CCDC85A: variants seen among roughly 807,000 people sequenced by gnomAD.
CCDC85A encodes coiled-coil domain-containing protein 85A.
CCDC85A carries 38 observed loss-of-function variants against 50.2 expected under a neutral mutation model. That is an observed-to-expected ratio of 0.76 (90% CI 0.58 to 0.99). The LOEUF (loss-of-function observed/expected upper bound fraction) is 0.99. Ranked by LOEUF, CCDC85A falls within the 50% of genes least tolerant of loss-of-function variation. The probability of loss-of-function intolerance (pLI) is 0.00; values close to 1 mark genes in which losing one functional copy is unlikely to be tolerated. For missense variants in CCDC85A, 820 were observed against 742.0 expected (o/e 1.11, Z -1.22); for synonymous variants, 366 against 301.4 (o/e 1.21, Z -2.22).
At position 56,193,229 on chromosome 2, in the gene CCDC85A, T is replaced by C. The variant is rs778709198; in HGVS notation, c.1029T>C (p.Ala343=). The C allele has an allele frequency of 6.2e-7, 1 of 1,609,044 alleles. No individual in the cohort carries two copies. The highest frequency in any genetic ancestry group is 8.5e-7 in the Non-Finnish European group (1 of 1,178,740). Residue 343 remains alanine (A), a synonymous_variant, in exon 2 of 6, where the codon GCT becomes GCC. Coordinates refer to ENST00000407595, the MANE Select transcript of CCDC85A (RefSeq NM_001080433.2). ...GCCCGGAGCATCTTCAGAAACACGC[T>C]CTTGGGGGGAGCCTAGAGCATCTCC... ...GGSPEHLQKH[A]LGGSLEHLPR... is the part of the protein sequence containing the mutation.
chr2:56,298,047 C>T (rs1385941579), intron 2 of CCDC85A, among the ~76,000 whole-genome samples: 1 of 152,140 alleles, frequency 6.6e-6, no homozygotes, highest in South Asian at 2.1e-4. Flanking sequence ...TAAGGTCATG[C>T]CCCAGGCATC....
chr2:56,253,045 AC>A (rs1236959253), intron 2 of CCDC85A, among the ~76,000 whole-genome samples: 49 of 152,072 alleles, frequency 3.2e-4, no homozygotes, highest in Middle Eastern at 3.4e-3. Flanking sequence ...TAAATAAATA[AC>A]AAAAAAAGTA....
intron 2 of CCDC85A, among the ~76,000 whole-genome samples, chr2:56,282,168 G>T (rs1671235167): frequency 6.6e-6 from 1 of 151,950 alleles, no homozygotes; most frequent in Admixed American, 6.6e-5. Flanking sequence ...TTGTTGAAAA[G>T]ACTGTTCTTT....
chr2:56,255,781 T>C (rs906974808), intron 2 of CCDC85A, among the ~76,000 whole-genome samples: 10 of 151,980 alleles, frequency 6.6e-5, no homozygotes, highest in Non-Finnish European at 1.5e-4. Context: ...TTTTGTTTTA[T>C]GAGGGATAGA....
chr2:56,184,197 G>T lies in CCDC85A; in HGVS notation c.-428G>T. 3.0e-6 allele frequency: 3 copies of T among 989,744 alleles called. No homozygotes were observed. Among genetic ancestry groups the T allele is most frequent in the Non-Finnish European group, 3.6e-6 (3 of 832,710 alleles). 61.3% of individuals were successfully genotyped at this position (989,744 alleles called of 1,614,324 possible). Reference sequence around the variant, plus strand: ...GGGGCTGCAGCTGGGCAAGGGGGAGGAAAGTGCGTGTGCGTGCACGCCTGT... The same window carrying T: ...GGGGCTGCAGCTGGGCAAGGGGGAGTAAAGTGCGTGTGCGTGCACGCCTGT... On this transcript the variant is annotated 5_prime_UTR_variant, in exon 1 of 6. Transcript: ENST00000407595.
intron 2 of CCDC85A, among the ~76,000 whole-genome samples, chr2:56,277,419 G>C (rs1224714072): frequency 7.4e-6 from 1 of 135,632 alleles, no homozygotes; most frequent in East Asian, 2.1e-4. Flanking sequence ...CAGAGATCCT[G>C]CATGGACACA....
chr2:56,237,878 C>G (rs890615441), intron 2 of CCDC85A, among the ~76,000 whole-genome samples: 1 of 151,946 alleles, frequency 6.6e-6, no homozygotes, highest in African/African-American at 2.4e-5. Context: ...GGATTGGTGG[C>G]TTGGTGTAGT....
intron 2 of CCDC85A, among the ~76,000 whole-genome samples, chr2:56,207,789 T>G (rs1272766203): frequency 6.6e-6 from 1 of 152,184 alleles, no homozygotes; most frequent in African/African-American, 2.4e-5. Flanking sequence ...AAGCTTTTGC[T>G]GTTTTCTACT....
intron 2 of CCDC85A, among the ~76,000 whole-genome samples, chr2:56,329,354 T>A (rs753160609): frequency 6.6e-6 from 1 of 152,226 alleles, no homozygotes; most frequent in Non-Finnish European, 1.5e-5. Flanking sequence ...CTGTTTTCCC[T>A]ACTAGAATGT....
At chr2:56,300,132 C>A (rs1367362783) in intron 2 of CCDC85A, among the ~76,000 whole-genome samples, 8 of 152,112 alleles carry the variant, frequency 5.3e-5, no homozygotes, top group African/African-American at 1.9e-4. Context: ...GATTCCCAAA[C>A]CTAGAGGAGC....
chr2:56,263,344 G>T (rs1342009387), intron 2 of CCDC85A, among the ~76,000 whole-genome samples: 1 of 152,206 alleles, frequency 6.6e-6, no homozygotes, highest in Non-Finnish European at 1.5e-5. Context: ...TTTAAAACTT[G>T]AATGAATGCT....
chr2:56,227,144 CTTG>C (rs1169540707), intron 2 of CCDC85A, among the ~76,000 whole-genome samples: 1 of 152,100 alleles, frequency 6.6e-6, no homozygotes, highest in Non-Finnish European at 1.5e-5. Flanking sequence ...GAACCAATGG[CTTG>C]TTGTTTCTAG....
At chr2:56,200,420 T>C (rs1676685971) in intron 2 of CCDC85A, among the ~76,000 whole-genome samples, 1 of 152,158 alleles carries the variant, frequency 6.6e-6, no homozygotes, top group Admixed American at 6.5e-5. Flanking sequence ...AGCTGGGAAA[T>C]TTGAGATTCG....
intron 3 of CCDC85A, among the ~76,000 whole-genome samples, chr2:56,352,478 T>C (rs1038598257): frequency 2.6e-5 from 4 of 152,124 alleles, no homozygotes; most frequent in Admixed American, 1.3e-4. Flanking sequence ...CCTGAGTAGC[T>C]GGGATTACAG....
At chr2:56,252,927 G>A (rs1160273214) in intron 2 of CCDC85A, among the ~76,000 whole-genome samples, 4 of 152,132 alleles carry the variant, frequency 2.6e-5, no homozygotes, top group African/African-American at 9.7e-5. Context: ...GCTGAGGCAG[G>A]AGAATCACTT....
Position 56,384,255 on chromosome 2 carries a change from T to A in CCDC85A, c.1573-11T>A. ...AAAGTAAGATACTCACTCCTTCTTT[T>A]TTTTTTTAAGGTTGTGTGGAGGAAA... On this transcript the variant is annotated splice_polypyrimidine_tract_variant and intron_variant, in intron 5 of 5. Transcript: ENST00000407595. 1 of 1,609,848 alleles carries A rather than the reference T, an allele frequency of 6.2e-7. No homozygotes were observed. The highest frequency in any genetic ancestry group is 8.5e-7 in the Non-Finnish European group (1 of 1,177,208).
intron 2 of CCDC85A, among the ~76,000 whole-genome samples, chr2:56,331,112 G>A (rs1218516158): frequency 6.6e-6 from 1 of 152,144 alleles, no homozygotes; most frequent in African/African-American, 2.4e-5. Flanking sequence ...TTATCTTGAT[G>A]AAATAACTCA....
chr2:56,302,458 T>C (rs1672253922), intron 2 of CCDC85A, among the ~76,000 whole-genome samples: 1 of 152,064 alleles, frequency 6.6e-6, no homozygotes, highest in Admixed American at 6.6e-5. Flanking sequence ...TAACATGTAA[T>C]ATTAGGCCCA....
chr2:56,324,383 C>A (rs901821885), intron 2 of CCDC85A, among the ~76,000 whole-genome samples: 2 of 151,920 alleles, frequency 1.3e-5, no homozygotes, highest in Admixed American at 1.3e-4. Context: ...AGTGGTGATG[C>A]TCCCTATAGC....
Sources: gnomAD v4.1 joint callset for allele counts (sites outside exome capture counted in the v4.1 genomes callset) on GRCh38, gnomAD v4.1.1 for gene constraint, MANE v1.5 for transcripts, NCBI Gene and HGNC (gene_info 2026-07-23, HGNC 2026-07-21) for gene names.